Variants in HECTD4 observed in about 807,000 individuals in gnomAD.
The protein encoded by HECTD4 is probable E3 ubiquitin-protein ligase HECTD4.
HECTD4 carries 114 observed loss-of-function variants against 471.5 expected under a neutral mutation model. That is an observed-to-expected ratio of 0.24 (90% confidence interval 0.21 to 0.28). The LOEUF is 0.28. Among genes scored for constraint, HECTD4 ranks in the 10% least tolerant of loss-of-function variants. The probability of loss-of-function intolerance (pLI) is 1.00; values close to 1 mark genes in which losing one functional copy is unlikely to be tolerated. For missense variants in HECTD4, 3,866 were observed against 5,651.5 expected, an observed-to-expected ratio of 0.68 and a Z score of 10.13; for synonymous variants, 2,012 against 2,256.0, an observed-to-expected ratio of 0.89 and a Z score of 3.07.
At chr12:112,259,517 C>CTTTTTTT (rs34854104) in intron 18 of HECTD4, among the ~76,000 whole-genome samples, 1 of 118,636 alleles carries the variant, frequency 8.4e-6, no homozygotes, top group African/African-American at 3.4e-5. Flanking sequence ...TATAAGCTGC[C>CTTTTTTT]TTTTTTTTTT....
At chr12:112,301,763 G>A (rs1392209029) in intron 7 of HECTD4, 3 of 499,502 alleles carry the variant, frequency 6.0e-6, no homozygotes, top group Admixed American at 3.2e-5. Context: ...AGCAGTTGGT[G>A]CTTATGTGAA....
Position 112,264,069 on chromosome 12 carries a change from A to C in HECTD4, c.2748+15T>G. On this transcript the variant is annotated intron_variant, in intron 17 of 75. Coordinates refer to ENST00000682272, the MANE Select transcript of HECTD4 (RefSeq NM_001388303.1). ...CTGGGTAGAACGCATCGTTAAAATA[A>C]AGCTTGGTGTTTACCTGTACCTTCA... 1.2e-6 allele frequency: 2 copies of C among 1,604,620 alleles called. No individual in the cohort carries two copies. The highest frequency in any genetic ancestry group is 1.7e-6 in the Non-Finnish European group (2 of 1,175,572).
intron 29 of HECTD4, among the ~76,000 whole-genome samples, chr12:112,244,760 A>T (rs965049509): frequency 1.4e-4 from 21 of 152,118 alleles, no homozygotes; most frequent in African/African-American, 5.1e-4. Context: ...TAACTGATTT[A>T]TTGTCATTTA....
At chr12:112,290,756 G>T (rs1309402890) in intron 7 of HECTD4, among the ~76,000 whole-genome samples, 4 of 151,340 alleles carry the variant, frequency 2.6e-5, no homozygotes, top group Non-Finnish European at 5.9e-5. Flanking sequence ...GCTGAGGCAG[G>T]GGAATCACTT....
At chr12:112,232,546 G>GATTTT (rs2033407371) in intron 38 of HECTD4, among the ~76,000 whole-genome samples, 2 of 152,062 alleles carry the variant, frequency 1.3e-5, no homozygotes, top group South Asian at 4.2e-4. Flanking sequence ...AATCTTTCTT[G>GATTTT]ACTTGTCTGA....
At chr12:112,225,617 A>T (rs2033213563) in intron 44 of HECTD4, among the ~76,000 whole-genome samples, 1 of 150,576 alleles carries the variant, frequency 6.6e-6, no homozygotes, top group African/African-American at 2.4e-5. Context: ...ACAAATTGTA[A>T]GGCAAAAAAA....
intron 1 of HECTD4, among the ~76,000 whole-genome samples, chr12:112,354,257 C>A (rs754709062): frequency 6.6e-6 from 1 of 151,930 alleles, no homozygotes; most frequent in Non-Finnish European, 1.5e-5. Context: ...AGCAGGATCT[C>A]GCCATGTTGC....
At chr12:112,204,190 G>A (rs2032510450) in intron 53 of HECTD4, among the ~76,000 whole-genome samples, 1 of 152,216 alleles carries the variant, frequency 6.6e-6, no homozygotes, top group Non-Finnish European at 1.5e-5. Context: ...TTACAGGCGT[G>A]CGCCACCAGG....
At chr12:112,178,011 T>C (rs927028033) in intron 64 of HECTD4, among the ~76,000 whole-genome samples, 2 of 152,222 alleles carry the variant, frequency 1.3e-5, no homozygotes, top group African/African-American at 2.4e-5. Flanking sequence ...TCAAAGGTCA[T>C]GTACTTAAAA....
intron 1 of HECTD4, among the ~76,000 whole-genome samples, chr12:112,340,587 C>G (rs1244952860): frequency 6.6e-6 from 1 of 152,130 alleles, no homozygotes; most frequent in Non-Finnish European, 1.5e-5. Flanking sequence ...TCCTACAATG[C>G]ACAGGACAGC....
At chr12:112,258,749 A>G in intron 19 of HECTD4, 153 bp from the exon 20 acceptor site, 2 of 607,588 alleles carry the variant, frequency 3.3e-6, no homozygotes, top group South Asian at 4.7e-5. Flanking sequence ...TAGACCACTT[A>G]ACATTATTTT....
Position 112,261,314 on chromosome 12 carries a change from C to A in HECTD4, c.2864G>T (p.Arg955Leu). Residue 955 changes from arginine (R) to leucine (L), a missense_variant, in exon 18 of 76, where the codon CGT becomes CTT. By Grantham distance (102) the Arg-to-Leu change is moderately radical (BLOSUM62 -2). This residue lies in a region of HECTD4 where 525 missense variants were observed against 672.6 expected (regional missense o/e 0.78). Transcript: ENST00000682272. ...ACAATCCATTCCTCACCTCTGCTCA[C>A]GGTCTGCTATGTCACTATTTATGAG... The part of the protein sequence containing the change: ...TALINSDIAD[R>L]EQRLKGLEQV... 3 of 1,595,672 alleles carry A rather than the reference C, an allele frequency of 1.9e-6. No homozygotes were observed. The highest frequency in any genetic ancestry group is 2.6e-6 in the Non-Finnish European group (3 of 1,165,286).
At chr12:112,300,337 A>G (rs1438758171) in intron 7 of HECTD4, among the ~76,000 whole-genome samples, 1 of 151,924 alleles carries the variant, frequency 6.6e-6, no homozygotes, top group Non-Finnish European at 1.5e-5. Flanking sequence ...AGAAAGAAAA[A>G]GAAAGAAACA....
At chr12:112,287,048 G>A (rs1487293918) in intron 7 of HECTD4, among the ~76,000 whole-genome samples, 1 of 152,124 alleles carries the variant, frequency 6.6e-6, no homozygotes, top group Non-Finnish European at 1.5e-5. Flanking sequence ...AGCAAACTGG[G>A]ATAGTTGGTC....
intron 1 of HECTD4, among the ~76,000 whole-genome samples, chr12:112,320,056 C>G (rs2035553035): frequency 6.6e-6 from 1 of 152,106 alleles, no homozygotes; most frequent in Admixed American, 6.5e-5. Flanking sequence ...AGTATAAAGC[C>G]AGGCGTGGTG....
At chr12:112,351,046 C>T (rs1594066654) in intron 1 of HECTD4, among the ~76,000 whole-genome samples, 1 of 152,200 alleles carries the variant, frequency 6.6e-6, no homozygotes, top group Non-Finnish European at 1.5e-5. Context: ...AGCTTGGTCA[C>T]TGGCCACCTC....
At chr12:112,276,509 G>A (rs1052669557) in intron 9 of HECTD4, among the ~76,000 whole-genome samples, 6 of 152,112 alleles carry the variant, frequency 3.9e-5, no homozygotes, top group African/African-American at 1.2e-4. Flanking sequence ...GTGCAGTGGC[G>A]CGATCTAGGC....
At chr12:112,253,284 C>T (rs2033936695) in intron 22 of HECTD4, among the ~76,000 whole-genome samples, 1 of 151,952 alleles carries the variant, frequency 6.6e-6, no homozygotes, top group African/African-American at 2.4e-5. Flanking sequence ...ACCACCACGC[C>T]CGGCTAATTT....
Position 112,235,452 on chromosome 12 carries a change from G to T in HECTD4, c.5725+52C>A. On this transcript the variant is annotated intron_variant, in intron 36 of 75. Transcript: ENST00000682272. The surrounding 1 kb of genome is among the most constrained non-coding windows in gnomAD (Gnocchi z 5.0). ...CACAGATGCAAGGGGGACCTGACTG[G>T]GCACAGGAATGCTGCACTGCCATGC... 1 of 1,550,096 alleles carries T rather than the reference G, an allele frequency of 6.5e-7. No homozygotes were observed. Among genetic ancestry groups the T allele is most frequent in the African/African-American group, 1.4e-5 (1 of 73,214 alleles).
Sources: allele counts gnomAD v4.1 joint callset (sites outside exome capture counted in the v4.1 genomes callset), GRCh38; gene constraint gnomAD v4.1.1; regional missense constraint gnomAD v4.1.1; non-coding constraint Gnocchi (gnomAD v3.1); transcripts MANE v1.5; gene names NCBI Gene and HGNC (gene_info 2026-07-23, HGNC 2026-07-21).